Variants in CALD1 observed in about 807,000 individuals in gnomAD.
The protein encoded by CALD1 is caldesmon.
A neutral mutation model predicts 99.9 loss-of-function variants in CALD1; 33 were observed. The observed-to-expected ratio is 0.33, with a 90% confidence interval of 0.25 to 0.44. CALD1 has a LOEUF of 0.44. Ranked by LOEUF, CALD1 falls within the 20% of genes least tolerant of loss-of-function variation. CALD1 has a pLI of 1.00. For missense variants in CALD1, 861 were observed against 962.1 expected, an observed-to-expected ratio of 0.89 and a Z score of 1.39; for synonymous variants, 310 against 325.0, an observed-to-expected ratio of 0.95 and a Z score of 0.50.
the CALD1 span, among the ~76,000 whole-genome samples, chr7:134,718,410 T>C: frequency 6.6e-6 from 1 of 152,178 alleles, no homozygotes; most frequent in Non-Finnish European, 1.5e-5. Flanking sequence ...AAGGTCACTC[T>C]GTGGTGGTTA....
the CALD1 span, among the ~76,000 whole-genome samples, chr7:134,713,780 C>T: frequency 5.9e-5 from 9 of 152,044 alleles, no homozygotes; most frequent in African/African-American, 2.2e-4. Flanking sequence ...AATGCACGCC[C>T]AAACTCATGA....
chr7:134,820,835 A>C (rs1405652952), intron 1 of CALD1, among the ~76,000 whole-genome samples: 1 of 152,210 alleles, frequency 6.6e-6, no homozygotes, highest in Non-Finnish European at 1.5e-5. Flanking sequence ...AATATATATT[A>C]GCATTTCCAT....
At chr7:134,809,936 T>C (rs932262978) in intron 1 of CALD1, among the ~76,000 whole-genome samples, 1 of 152,112 alleles carries the variant, frequency 6.6e-6, no homozygotes, top group African/African-American at 2.4e-5. Context: ...AAGAACACCC[T>C]TGAGTTTAAG....
At chr7:134,919,732 A>T (rs1804473749) in intron 3 of CALD1, among the ~76,000 whole-genome samples, 1 of 152,176 alleles carries the variant, frequency 6.6e-6, no homozygotes, top group Non-Finnish European at 1.5e-5. Context: ...CTCTCACCCC[A>T]GGAAAAGGCA....
At chr7:134,903,600 G>C (rs925026760) in intron 3 of CALD1, among the ~76,000 whole-genome samples, 1 of 152,066 alleles carries the variant, frequency 6.6e-6, no homozygotes, top group Non-Finnish European at 1.5e-5. Flanking sequence ...TTGTAGATGC[G>C]TCACTCCAAT....
chr7:134,941,478 T>C (rs1271007691), intron 7 of CALD1, among the ~76,000 whole-genome samples: 1 of 152,228 alleles, frequency 6.6e-6, no homozygotes, highest in East Asian at 1.9e-4. Context: ...CCCATTATTT[T>C]GAAAGGCAGA....
intron 8 of CALD1, among the ~76,000 whole-genome samples, chr7:134,948,621 T>A (rs1452362126): frequency 6.6e-6 from 1 of 152,130 alleles, no homozygotes; most frequent in Non-Finnish European, 1.5e-5. Flanking sequence ...GACCCCGCTT[T>A]TCCAACTCAG....
At chr7:134,934,176 C>T in intron 5 of CALD1, 99 bp downstream of exon 5, 1 of 1,500,364 alleles carries the variant, frequency 6.7e-7, no homozygotes, top group Non-Finnish European at 8.9e-7. Flanking sequence ...ATATAGCTCA[C>T]ATGCTTGATC....
chr7:134,891,609 C>A lies in CALD1; in HGVS notation c.71+23805C>A, dbSNP rs1346440216. The A allele has an allele frequency of 1.9e-6, 3 of 1,607,140 alleles. No homozygotes were observed. In the Admixed American group the frequency reaches 5.0e-5, roughly 27 times the overall value. On this transcript the variant is annotated intron_variant, in intron 3 of 14. Transcript: ENST00000361675. ...TATCTCTCTGCCCCGCCGCCCCTTC[C>A]CAACTGCGGACATGCTGGGTGGATC...
Position 134,968,859 on chromosome 7 carries a change from TAA to T in CALD1, c.*525_*526del, listed in dbSNP as rs199709365. ...GAAATACTGCAATAATGGTTGTCTT[TAA>T]AAAAAAAAAAGAAATGTACTGTTAA... is the stretch of plus-strand genomic sequence containing the variant. On this transcript the variant is annotated 3_prime_UTR_variant, in exon 15 of 15. Coordinates refer to ENST00000361675, the MANE Select transcript of CALD1 (RefSeq NM_033138.4). 23 of 165,242 alleles carry T rather than the reference TAA, an allele frequency of 1.4e-4. No individual in the cohort carries two copies. Among genetic ancestry groups the T allele is most frequent in the Admixed American group, 4.2e-4 (7 of 16,854 alleles). 10.2% of individuals were successfully genotyped at this position (165,242 alleles called of 1,614,324 possible). A position where few individuals can be genotyped will look rare whatever the true frequency, so the allele number is the denominator to read the frequency against.
chr7:134,876,912 G>C (rs1236505266), intron 3 of CALD1, among the ~76,000 whole-genome samples: 1 of 152,118 alleles, frequency 6.6e-6, no homozygotes, highest in East Asian at 1.9e-4. Context: ...AGTGGGACAG[G>C]TGCCTTTCAG....
intron 1 of CALD1, among the ~76,000 whole-genome samples, chr7:134,833,137 A>C (rs1799298345): frequency 6.6e-6 from 1 of 152,230 alleles, no homozygotes; most frequent in African/African-American, 2.4e-5. Flanking sequence ...AACTGCCAAA[A>C]ATTTTTATTG....
At chr7:134,849,367 C>T (rs1274360962) in intron 2 of CALD1, among the ~76,000 whole-genome samples, 2 of 152,178 alleles carry the variant, frequency 1.3e-5, no homozygotes, top group East Asian at 1.9e-4. Flanking sequence ...AAGTATGCTG[C>T]TTCCTCTGTA....
At chr7:134,743,241 T>C (rs943408767), upstream of CALD1, among the ~76,000 whole-genome samples, 5 of 152,058 alleles carry the variant, frequency 3.3e-5, no homozygotes, top group Non-Finnish European at 7.4e-5. Context: ...CCAAAGGGTG[T>C]TTTGCTTCTG....
Position 134,960,011 on chromosome 7 carries a change from C to T in CALD1, c.2099C>T (p.Ser700Leu), listed in dbSNP as rs763878597. The T allele has an allele frequency of 1.3e-5, 21 of 1,614,020 alleles. No individual in the cohort carries two copies. Among genetic ancestry groups the T allele is most frequent in the Non-Finnish European group, 1.7e-5 (20 of 1,180,026 alleles). ...GCAAAACCTACAAAGCCGGCAGCCT[C>T]GGATCTTCCTGTTCCTGCTGAAGGT... Reference protein sequence around the residue: ...KSAKPTKPAASDLPVPAEGVR... With the variant: ...KSAKPTKPAALDLPVPAEGVR... The change falls in exon 12 of 15, where the codon TCG becomes TTG. Residue 700 changes from serine (S) to leucine (L), a missense_variant. Around this residue, in one of 5 missense-constraint regions of CALD1, gnomAD observed 190 missense variants for 249.0 expected, o/e 0.76. Coordinates refer to ENST00000361675, the MANE Select transcript of CALD1 (RefSeq NM_033138.4).
intron 3 of CALD1, among the ~76,000 whole-genome samples, chr7:134,900,489 G>A (rs1439220175): frequency 6.6e-6 from 1 of 152,088 alleles, no homozygotes; most frequent in Non-Finnish European, 1.5e-5. Flanking sequence ...GCCTTTCTGG[G>A]GTGTAGCTGC....
intron 1 of CALD1, among the ~76,000 whole-genome samples, chr7:134,803,305 A>G (rs1261141058): frequency 6.6e-6 from 1 of 152,160 alleles, no homozygotes; most frequent in Non-Finnish European, 1.5e-5. Context: ...ATATTAATAC[A>G]TATTTTCTCC....
intron 2 of CALD1, among the ~76,000 whole-genome samples, chr7:134,850,439 G>C (rs1800028736): frequency 6.6e-6 from 1 of 152,226 alleles, no homozygotes; most frequent in East Asian, 1.9e-4. Flanking sequence ...TGTGACCTTG[G>C]GCCAATGACT....
chr7:134,763,249 T>C (rs6467556), intron 1 of CALD1, among the ~76,000 whole-genome samples: 111,795 of 152,078 alleles, frequency 0.74, 42,736 homozygotes, highest in East Asian at 0.99. Context: ...CTATAAAACA[T>C]CAGGAAATAT....
Sources: allele counts gnomAD v4.1 joint callset (sites outside exome capture counted in the v4.1 genomes callset), GRCh38; gene constraint gnomAD v4.1.1; regional missense constraint gnomAD v4.1.1; transcripts MANE v1.5; gene names NCBI Gene and HGNC (gene_info 2026-07-23, HGNC 2026-07-21).